The following PLS3 variants were observed in gnomAD, a reference collection of about 807,000 sequenced individuals.
PLS3 encodes plastin-3.
In PLS3, 11 loss-of-function variants were observed where a neutral mutation model predicts 46.5. The ratio of observed to expected loss-of-function variants is 0.24; its 90% CI spans 0.15 to 0.39. PLS3 has a LOEUF of 0.39. PLS3 is among the 10% of genes least tolerant of loss of function. The pLI, the probability that PLS3 is intolerant of heterozygous loss-of-function variation, is 1.00. For missense variants in PLS3, 308 were observed against 461.8 expected (o/e 0.67, Z 3.05); for synonymous variants, 167 against 162.2 (o/e 1.03, Z -0.22).
At chrX:115,628,390 A>G (rs1390210075) in intron 3 of PLS3, among the ~76,000 whole-genome samples, 2 of 112,556 alleles carry the variant, frequency 1.8e-5, no homozygotes. Context: ...AGAAAGTTGT[A>G]TACGGTTTCT....
At chrX:115,645,140 A>T (rs1023875116) in intron 11 of PLS3, 41 bp downstream of exon 11, 1 of 755,710 alleles carries the variant, frequency 1.3e-6, no homozygotes, top group Admixed American at 2.4e-5. Context: ...TACGAATGTC[A>T]TGAATGGATG....
chrX:115,622,365 G>A lies in PLS3; in HGVS notation c.193G>A (p.Asp65Asn). 1 of 1,194,917 alleles carries A rather than the reference G, an allele frequency of 8.4e-7. No individual in the cohort carries two copies. The highest frequency in any genetic ancestry group is 1.1e-6 in the Non-Finnish European group (1 of 883,511). The change falls in exon 3 of 16, where the codon GAC (aspartate) becomes AAC (asparagine). Residue 65 changes from aspartate (D) to asparagine (N), a missense_variant. This residue lies in a region of PLS3 where 271 missense variants were observed against 435.7 expected (regional missense o/e 0.62). Coordinates refer to ENST00000355899, the MANE Select transcript of PLS3 (RefSeq NM_005032.7). ...EIIQKLMLDG[D>N]RNKDGKISFD... is the part of the protein sequence containing the mutation. ...TATTCAGAAACTCATGCTGGATGGT[G>A]ACAGGAATAAAGATGGGAAAATAAG... is the stretch of plus-strand genomic sequence containing the variant.
In PLS3 at chrX:115,646,539, T is replaced by G. The variant is rs782549823; in HGVS notation, c.1511+4T>G. 2.5e-6 allele frequency: 3 copies of G among 1,206,558 alleles called. No homozygotes were observed. In the South Asian group the frequency reaches 5.4e-5, roughly 22 times the overall value. On this transcript the variant is annotated splice_donor_region_variant and intron_variant, in intron 13 of 15. Coordinates refer to ENST00000355899, the MANE Select transcript of PLS3 (RefSeq NM_005032.7). ...TAGTCTGGCAGCTGATGAGAAGGTA[T>G]AGTACACAATTTTAGCTGTTTAGTC... is the stretch of plus-strand genomic sequence containing the variant.
chrX:115,618,326 C>A (rs1378396610), intron 2 of PLS3, among the ~76,000 whole-genome samples: 5 of 112,013 alleles, frequency 4.5e-5, no homozygotes, highest in Admixed American at 2.8e-4. Context: ...ACCTGTAATC[C>A]CAACACTTTG....
chrX:115,624,056 C>T (rs1375584090), intron 3 of PLS3, among the ~76,000 whole-genome samples: 1 of 110,387 alleles, frequency 9.1e-6, no homozygotes, highest in African/African-American at 3.3e-5. Flanking sequence ...TGGTGAAACC[C>T]GGTCTCTACT....
At chrX:115,620,766 G>A (rs1287935515) in intron 2 of PLS3, among the ~76,000 whole-genome samples, 1 of 83,530 alleles carries the variant, frequency 1.2e-5, no homozygotes, top group African/African-American at 4.9e-5. Flanking sequence ...AGGCTGCAGT[G>A]CATTGGTGCA....
intron 3 of PLS3, among the ~76,000 whole-genome samples, chrX:115,623,042 A>T (rs782731908): frequency 8.1e-5 from 9 of 110,975 alleles, no homozygotes; most frequent in Non-Finnish European, 1.7e-4. Context: ...CCCAGAACTT[A>T]GTTTGGTGTT....
rs1556642210 is a variant in PLS3, at chrX:115,649,555, A to T, written c.1887A>T (p.Arg629Ser). Residue 629 changes from arginine (R) to serine (S), a missense_variant, in exon 16 of 16, where the codon AGA (arginine) becomes AGT (serine). Physicochemically the swap from Arg to Ser is moderately radical, Grantham distance 110 (BLOSUM62 -1). This residue lies in a region of PLS3 where 271 missense variants were observed against 435.7 expected (regional missense o/e 0.62). Transcript: ENST00000355899. ...GTTTGATGGGCAGGGGAATGAAGAG[A>T]GTGTAAAATAACCAATCTGAATAAA... is the stretch of plus-strand genomic sequence containing the variant. Reference protein sequence around the residue: ...FACLMGRGMKRV With the variant: ...FACLMGRGMKSV 1 of 1,204,320 alleles carries T rather than the reference A, an allele frequency of 8.3e-7. No individual in the cohort carries two copies. Among genetic ancestry groups the T allele is most frequent in the Non-Finnish European group, 1.1e-6 (1 of 892,024 alleles).
intron 1 of PLS3, among the ~76,000 whole-genome samples, chrX:115,596,422 G>C (rs371228319): frequency 6.3e-4 from 71 of 111,878 alleles, no homozygotes; most frequent in African/African-American, 2.2e-3. Context: ...GAGCTCACAG[G>C]CTCGTGGAGG....
rs1262496405 is a variant in PLS3, at chrX:115,650,447, G to A, written c.*886G>A. 1 of 111,778 alleles carries A rather than the reference G, an allele frequency of 8.9e-6. No homozygotes were observed. The highest frequency in any genetic ancestry group is 1.9e-5 in the Non-Finnish European group (1 of 53,073). 9.2% of individuals were successfully genotyped at this position (111,778 alleles called of 1,213,427 possible). A position where few individuals can be genotyped will look rare whatever the true frequency, so the allele number is the denominator to read the frequency against. ...GAGAGTGTGCTCAGAACTTAGACGG[G>A]ATTTGGTAGGCCAAGTATGCTAAGT... On this transcript the variant is annotated 3_prime_UTR_variant, in exon 16 of 16. Coordinates refer to ENST00000355899, the MANE Select transcript of PLS3 (RefSeq NM_005032.7).
At chrX:115,648,547 A>G (rs782480999) in intron 15 of PLS3, among the ~76,000 whole-genome samples, 2 of 110,892 alleles carry the variant, frequency 1.8e-5, no homozygotes, top group Admixed American at 1.9e-4. Context: ...CTTTTCCACC[A>G]GCCTATTTTC....
intron 1 of PLS3, among the ~76,000 whole-genome samples, chrX:115,562,024 T>A: frequency 9.0e-6 from 1 of 110,747 alleles, no homozygotes; most frequent in African/African-American, 3.3e-5. Flanking sequence ...TTTCAGCTCC[T>A]TTGACTTTGC....
At chrX:115,620,683 CTTTTTTCTTTT>C (rs1569528158) in intron 2 of PLS3, among the ~76,000 whole-genome samples, 8 of 84,502 alleles carry the variant, frequency 9.5e-5, no homozygotes, top group Non-Finnish European at 1.9e-4. Flanking sequence ...ACCCCTTATG[CTTTTTTCTTTT>C]TTTTTTCTTT....
At chrX:115,648,983 C>T (rs782806681) in intron 15 of PLS3, among the ~76,000 whole-genome samples, 11 of 111,213 alleles carry the variant, frequency 9.9e-5, no homozygotes, top group African/African-American at 3.3e-4. Context: ...TGTCTCCCCT[C>T]TCATGAATAC....
intron 13 of PLS3, among the ~76,000 whole-genome samples, chrX:115,647,028 T>G (rs1216054850): frequency 8.9e-6 from 1 of 111,953 alleles, no homozygotes; most frequent in East Asian, 2.8e-4. Context: ...ACTGTCAATC[T>G]GCTCCTCTCT....
chrX:115,586,451 A>C (rs1489226923), intron 1 of PLS3, among the ~76,000 whole-genome samples: 1 of 102,087 alleles, frequency 9.8e-6, no homozygotes, highest in East Asian at 3.2e-4. Context: ...CGGACAGGTC[A>C]TGAGGCCAGG....
intron 1 of PLS3, among the ~76,000 whole-genome samples, chrX:115,561,850 C>A (rs782030347): frequency 1.9e-3 from 213 of 111,600 alleles, no homozygotes; most frequent in African/African-American, 6.5e-3. Context: ...GTTTGGGTTG[C>A]CTGCCTTCTG....
At position 115,634,938 on chromosome X, in the gene PLS3, A is replaced by G. The variant is rs367830488; in HGVS notation, c.640A>G (p.Ile214Val). ...TGCCATTGGGTGTCATGTTGTGAAC[A>G]TTGGTGCAGAAGATTTGAGGGCTGG... ...ASAIGCHVVN[I>V]GAEDLRAGKP... The change falls in exon 7 of 16, where the codon ATT becomes GTT. Residue 214 changes from isoleucine to valine, a missense_variant. Transcript: ENST00000355899. The G allele has an allele frequency of 8.3e-7, 1 of 1,208,816 alleles. No individual in the cohort carries two copies. Among genetic ancestry groups the G allele is most frequent in the Non-Finnish European group, 1.1e-6 (1 of 894,152 alleles).
chrX:115,611,870 G>C lies in PLS3; in HGVS notation c.73+1547G>C, dbSNP rs782416582. ...GAAGGAGTTAAATTGTATTAAGTAA[G>C]GGATCAATGAGAAGTTTGACTGCAA... On this transcript the variant is annotated intron_variant, in intron 2 of 15. Transcript: ENST00000355899. 1.2e-4 allele frequency among the ~76,000 whole-genome samples: 13 copies of C among 111,748 alleles called. No homozygotes were observed. The East Asian group carries it at 3.6e-3, about 31-fold the overall frequency.
Sources: gnomAD v4.1 joint callset for allele counts (sites outside exome capture counted in the v4.1 genomes callset) on GRCh38, gnomAD v4.1.1 for gene constraint, gnomAD v4.1.1 regional missense constraint, MANE v1.5 for transcripts, NCBI Gene and HGNC (gene_info 2026-07-23, HGNC 2026-07-21) for gene names.